Variants in FBXL7 observed in about 807,000 individuals in gnomAD.
The protein encoded by FBXL7 is F-box and leucine rich repeat protein 7.
Under a neutral mutation model 38.3 loss-of-function variants are expected in FBXL7, and 12 were observed. That is an observed-to-expected ratio of 0.31 (90% CI 0.20 to 0.51). FBXL7 has a LOEUF of 0.51. Ranked by LOEUF, FBXL7 falls within the 20% of genes least tolerant of loss-of-function variation. The pLI is 0.98. For missense variants in FBXL7, 567 were observed against 676.4 expected, an observed-to-expected ratio of 0.84 and a Z score of 1.79; for synonymous variants, 297 against 300.9, an observed-to-expected ratio of 0.99 and a Z score of 0.13.
chr5:15,824,615 A>G (rs576397617), intron 2 of FBXL7, among the ~76,000 whole-genome samples: 8 of 152,326 alleles, frequency 5.3e-5, no homozygotes, highest in Admixed American at 3.3e-4. Flanking sequence ...TTCAAAGGAA[A>G]ACATACCTTC....
At chr5:15,694,353 T>G (rs771857361) in intron 2 of FBXL7, among the ~76,000 whole-genome samples, 3 of 152,216 alleles carry the variant, frequency 2.0e-5, no homozygotes, top group Non-Finnish European at 4.4e-5. Context: ...GGTGGGGCAG[T>G]TAACACCAGT....
chr5:15,713,700 A>G (rs1443333323), intron 2 of FBXL7, among the ~76,000 whole-genome samples: 2 of 152,198 alleles, frequency 1.3e-5, no homozygotes, highest in East Asian at 3.9e-4. Flanking sequence ...TGGATTTCTG[A>G]GTCAAAGAAT....
intron 2 of FBXL7, among the ~76,000 whole-genome samples, chr5:15,916,628 T>C (rs1364598337): frequency 6.6e-6 from 1 of 152,172 alleles, no homozygotes; most frequent in African/African-American, 2.4e-5. Flanking sequence ...TCAAGGAGAA[T>C]GCAGTCTACC....
chr5:15,888,196 CTTTATTTATTTATTTATTTATTTA>C (rs3034529), intron 2 of FBXL7, among the ~76,000 whole-genome samples: 6 of 145,316 alleles, frequency 4.1e-5, no homozygotes, highest in African/African-American at 1.0e-4. Flanking sequence ...GTAAACACCA[CTTTATTTATTTATTTATTTATTTA>C]TTTATTTATT....
chr5:15,683,102 G>A (rs1742902102), intron 2 of FBXL7, among the ~76,000 whole-genome samples: 1 of 152,132 alleles, frequency 6.6e-6, no homozygotes, highest in Non-Finnish European at 1.5e-5. Flanking sequence ...GAAATGGAGG[G>A]AGGATGTTTC....
chr5:15,661,955 C>G (rs1188710171), intron 2 of FBXL7, among the ~76,000 whole-genome samples: 2 of 152,158 alleles, frequency 1.3e-5, no homozygotes, highest in Non-Finnish European at 2.9e-5. Flanking sequence ...TAGGTTGATT[C>G]CATTTCATTG....
intron 2 of FBXL7, among the ~76,000 whole-genome samples, chr5:15,799,356 C>CTTT (rs34953272): frequency 0.038 from 3,455 of 90,688 alleles, 112 homozygotes; most frequent in South Asian, 0.063. Context: ...AAACCCCTCC[C>CTTT]TTTTTTTTTT....
intron 2 of FBXL7, among the ~76,000 whole-genome samples, chr5:15,791,843 C>A (rs1737285688): frequency 6.6e-6 from 1 of 152,066 alleles, no homozygotes; most frequent in African/African-American, 2.4e-5. Context: ...AGCAAAGGAG[C>A]CTTAGTAGTA....
At chr5:15,888,293 T>C (rs918383128) in intron 2 of FBXL7, among the ~76,000 whole-genome samples, 1 of 151,958 alleles carries the variant, frequency 6.6e-6, no homozygotes, top group Non-Finnish European at 1.5e-5. Flanking sequence ...AGTGGCGCAA[T>C]CTCGGCTCAC....
At chr5:15,742,607 A>AT (rs1228472217) in intron 2 of FBXL7, among the ~76,000 whole-genome samples, 22 of 152,220 alleles carry the variant, frequency 1.4e-4, no homozygotes, top group African/African-American at 5.3e-4. Context: ...TGTAATTTGC[A>AT]TTGAACATAT....
intron 2 of FBXL7, among the ~76,000 whole-genome samples, chr5:15,766,038 G>A (rs898221738): frequency 1.6e-5 from 2 of 126,224 alleles, no homozygotes; most frequent in African/African-American, 5.8e-5. Flanking sequence ...CTGTCTGTCT[G>A]TCTATCTACC....
intron 1 of FBXL7, among the ~76,000 whole-genome samples, chr5:15,583,919 C>T (rs1739226887): frequency 6.6e-6 from 1 of 152,240 alleles, no homozygotes; most frequent in South Asian, 2.1e-4. Flanking sequence ...TCTCTCTGGA[C>T]ATCCAGGCAT....
At chr5:15,879,535 T>C (rs1465538265) in intron 2 of FBXL7, among the ~76,000 whole-genome samples, 1 of 152,152 alleles carries the variant, frequency 6.6e-6, no homozygotes, top group African/African-American at 2.4e-5. Flanking sequence ...GGGAACAAAA[T>C]CTTTGCTTAG....
rs141449436 is a variant in FBXL7 at position 15,785,925 on chromosome 5, G to A, written c.128-141965G>A. Among the ~76,000 whole-genome samples, 874 of 152,298 alleles carry A rather than the reference G, an allele frequency of 5.7e-3. 7 individuals carry two copies. Among genetic ancestry groups the A allele is most frequent in the African/African-American group, 0.02 (817 of 41,540 alleles). ...TGTGGCTCTGAGTGGCATCTGTAAA[G>A]CAATGGCACTTCTTAATTTTCATAA... On this transcript the variant is annotated intron_variant, in intron 2 of 3. Transcript: ENST00000504595.
chr5:15,813,157 C>T (rs1561136241), intron 2 of FBXL7, among the ~76,000 whole-genome samples: 1 of 152,078 alleles, frequency 6.6e-6, no homozygotes, highest in Non-Finnish European at 1.5e-5. Context: ...ACAGAACTTC[C>T]AATACTATGT....
chr5:15,881,636 TCC>T (rs1315507444), intron 2 of FBXL7, among the ~76,000 whole-genome samples: 2 of 152,196 alleles, frequency 1.3e-5, no homozygotes, highest in East Asian at 3.9e-4. Context: ...TAGTTTACAT[TCC>T]CACCAATAGT....
chr5:15,618,042 C>T (rs888342607), intron 2 of FBXL7, among the ~76,000 whole-genome samples: 17 of 152,048 alleles, frequency 1.1e-4, no homozygotes, highest in Admixed American at 3.3e-4. Flanking sequence ...AGTGTGGGAC[C>T]TCATGCATTT....
intron 2 of FBXL7, among the ~76,000 whole-genome samples, chr5:15,827,574 T>C (rs1738349268): frequency 6.6e-6 from 1 of 152,192 alleles, no homozygotes; most frequent in Admixed American, 6.5e-5. Flanking sequence ...TATGTCATCA[T>C]ATGGCGAAAG....
At chr5:15,837,298 A>G (rs904685726) in intron 2 of FBXL7, among the ~76,000 whole-genome samples, 2 of 152,232 alleles carry the variant, frequency 1.3e-5, no homozygotes, top group Non-Finnish European at 2.9e-5. Context: ...TTGATCTTTA[A>G]CTGCATATAT....
Sources: allele counts gnomAD v4.1 joint callset (sites outside exome capture counted in the v4.1 genomes callset), GRCh38; gene constraint gnomAD v4.1.1; transcripts MANE v1.5; gene names NCBI Gene and HGNC (gene_info 2026-07-23, HGNC 2026-07-21).